The following SDF4 variants were observed in gnomAD, a reference collection of about 807,000 sequenced individuals.
The protein encoded by SDF4 is 45 kDa calcium-binding protein.
Under a neutral mutation model 34.2 loss-of-function variants are expected in SDF4, and 22 were observed. The observed-to-expected ratio is 0.64, with a 90% CI of 0.46 to 0.92. SDF4 has a LOEUF of 0.92. Ranked by LOEUF, SDF4 falls within the 40% of genes least tolerant of loss-of-function variation. The pLI is 0.00. For missense variants in SDF4, 447 were observed against 499.9 expected (o/e 0.89, Z 1.01); for synonymous variants, 236 against 203.1 (o/e 1.16, Z -1.38).
intron 4 of SDF4, chr1:1,219,275 A>C: frequency 8.5e-7 from 1 of 1,170,174 alleles, no homozygotes; most frequent in Non-Finnish European, 1.1e-6. Context: ...GACCCCCAGG[A>C]CATGGCCTGG....
chr1:1,217,821 G>A lies in SDF4; in HGVS notation c.892-133C>T, dbSNP rs1334653917. 2.6e-6 allele frequency: 4 copies of A among 1,552,268 alleles called. No individual in the cohort carries two copies. The highest frequency in any genetic ancestry group is 2.6e-6 in the Non-Finnish European group (3 of 1,152,968). ...GGGCACGTTCTGGAAGGTTCCCGAA[G>A]GGAGGCGGCACAAATGAAAACACAG... On this transcript the variant is annotated intron_variant, in intron 6 of 6. Coordinates refer to ENST00000360001, the MANE Select transcript of SDF4 (RefSeq NM_016176.6). This position sits in a 1 kb window ranked among gnomAD's most constrained non-coding sequence, Gnocchi z 8.5.
chr1:1,224,884 G>T (rs1315349989), intron 2 of SDF4, among the ~76,000 whole-genome samples: 1 of 152,236 alleles, frequency 6.6e-6, no homozygotes, highest in Admixed American at 6.5e-5. Flanking sequence ...CTGCACTCCA[G>T]CCTGGGCGGC....
In SDF4 at chr1:1,220,537, CG is replaced by C. The variant is rs1046455018; in HGVS notation, c.557-1611del. The C allele has an allele frequency of 1.6e-5, 20 of 1,234,814 alleles. No individual in the cohort carries two copies. The Admixed American group carries it at 2.1e-4, about 13-fold the overall frequency. The allele number at this position is 1,234,814 out of a possible 1,614,324, so 76.5% of individuals were successfully genotyped here. On this transcript the variant is annotated intron_variant, in intron 4 of 6. Transcript: ENST00000360001. ...CCAGAAACCAAATACCCAAAGAGGT[CG>C]GGGGGTCCTAGGCACCCTGAGGTCG...
intron 2 of SDF4, among the ~76,000 whole-genome samples, chr1:1,228,227 C>T (rs1638373067): frequency 1.3e-5 from 2 of 152,248 alleles, no homozygotes; most frequent in African/African-American, 4.8e-5. Flanking sequence ...CCACACAGGC[C>T]CACTCTGGCC....
At chr1:1,227,629 C>T (rs1015361295) in intron 2 of SDF4, among the ~76,000 whole-genome samples, 1 of 152,218 alleles carries the variant, frequency 6.6e-6, no homozygotes, top group African/African-American at 2.4e-5. Flanking sequence ...CCTGACCCTG[C>T]TCTGCCTCCA....
intron 1 of SDF4, among the ~76,000 whole-genome samples, chr1:1,230,712 G>A (rs1638466911): frequency 6.6e-6 from 1 of 152,232 alleles, no homozygotes; most frequent in Non-Finnish European, 1.5e-5. Context: ...TCCTGCCTCG[G>A]CCTCCCAAAG....
At chr1:1,219,265 G>A (rs898353646) in intron 4 of SDF4, 5 of 1,143,700 alleles carry the variant, frequency 4.4e-6, no homozygotes, top group South Asian at 1.6e-5. Flanking sequence ...ACACAGCCCA[G>A]ACCCCCAGGA....
rs568983996 is a variant in SDF4, at chr1:1,227,810, G to T, written c.305+658C>A. Among the ~76,000 whole-genome samples the T allele has an allele frequency of 7.2e-5, 11 of 152,326 alleles. No homozygotes were observed. In the South Asian group the frequency reaches 1.9e-3, roughly 26 times the overall value. ...CAGGCTCTCGAGACTCAGGGATGGGGTCGGGGGAGAAAGCTCGGCACTAGG... is the reference window on the plus strand; with the variant it reads ...CAGGCTCTCGAGACTCAGGGATGGGTTCGGGGGAGAAAGCTCGGCACTAGG... On this transcript the variant is annotated intron_variant, in intron 2 of 6. Transcript: ENST00000360001.
In SDF4 at chr1:1,223,820, C is replaced by CCCCCCCCCCAA. The variant is rs1570483240; in HGVS notation, c.442+11_442+12insTTGGGGGGGGG. The CCCCCCCCCCAA allele has an allele frequency of 1.3e-6, 2 of 1,515,842 alleles. No homozygotes were observed. The highest frequency in any genetic ancestry group is 8.9e-7 in the Non-Finnish European group (1 of 1,117,554). 93.9% of individuals were successfully genotyped at this position (1,515,842 alleles called of 1,614,324 possible). Reference sequence around the variant, plus strand: ...GCCCACCGCCCCACCCACCCCGGCCCAGCCACAGTACCGTCCCCGTCAGGG... The same window carrying CCCCCCCCCCAA: ...GCCCACCGCCCCACCCACCCCGGCCCCCCCCCCCCAAAGCCACAGTACCGTCCCCGTCAGGG... On this transcript the variant is annotated intron_variant, in intron 3 of 6. Coordinates refer to ENST00000360001, the MANE Select transcript of SDF4 (RefSeq NM_016176.6).
rs779720138 is a variant in SDF4 at position 1,217,818 on chromosome 1, G to C, written c.892-130C>G. The C allele has an allele frequency of 1.3e-6, 2 of 1,553,788 alleles. No homozygotes were observed. Among genetic ancestry groups the C allele is most frequent in the Admixed American group, 1.8e-5 (1 of 55,184 alleles). On this transcript the variant is annotated intron_variant, in intron 6 of 6. Transcript: ENST00000360001. The surrounding 1 kb of genome is among the most constrained non-coding windows in gnomAD (Gnocchi z 8.5). ...TGTGGGCACGTTCTGGAAGGTTCCC[G>C]AAGGGAGGCGGCACAAATGAAAACA...
Position 1,218,936 on chromosome 1 carries a change from G to A in SDF4, c.557-9C>T. On this transcript the variant is annotated splice_polypyrimidine_tract_variant and intron_variant, in intron 4 of 6. Transcript: ENST00000360001. This position sits in a 1 kb window ranked among gnomAD's most constrained non-coding sequence, Gnocchi z 7.9. Reference sequence around the variant, plus strand: ...CTCCAGGACTTCCTGTGCTGAGAGGGGCGCAGCCTGTGGGTATCGAGGCCG... The same window carrying A: ...CTCCAGGACTTCCTGTGCTGAGAGGAGCGCAGCCTGTGGGTATCGAGGCCG... 6.2e-7 allele frequency: 1 copy of A among 1,610,490 alleles called. No homozygotes were observed. The highest frequency in any genetic ancestry group is 2.2e-5 in the East Asian group (1 of 44,876).
chr1:1,225,495 C>T (rs189722720), intron 2 of SDF4, among the ~76,000 whole-genome samples: 4 of 152,326 alleles, frequency 2.6e-5, no homozygotes, highest in East Asian at 3.9e-4. Context: ...GCCAGGCTGC[C>T]GCTCACACGC....
chr1:1,220,232 C>T (rs538950334), intron 4 of SDF4: 2 of 1,016,242 alleles, frequency 2.0e-6, no homozygotes, highest in Admixed American at 5.4e-5. Flanking sequence ...CTGGAGAGAC[C>T]CTCCTGGATC....
At chr1:1,219,564 CTG>C (rs1379874477) in intron 4 of SDF4, 4 of 990,016 alleles carry the variant, frequency 4.0e-6, no homozygotes, top group Non-Finnish European at 4.8e-6. Context: ...ATGACTGAGA[CTG>C]GGGCTGAGCA....
At chr1:1,230,402 G>C (rs528936479) in intron 1 of SDF4, among the ~76,000 whole-genome samples, 1 of 152,138 alleles carries the variant, frequency 6.6e-6, no homozygotes, top group Admixed American at 6.5e-5. Context: ...CACAAACCAA[G>C]AGGGGTACAA....
At chr1:1,220,436 T>G in intron 4 of SDF4, 3 of 1,175,082 alleles carry the variant, frequency 2.6e-6, no homozygotes, top group Non-Finnish European at 3.2e-6. Flanking sequence ...CAGGGAGGGG[T>G]GGGAGGTCGC....
intron 2 of SDF4, among the ~76,000 whole-genome samples, chr1:1,227,011 G>A (rs200019220): frequency 1.5e-3 from 231 of 152,310 alleles, no homozygotes; most frequent in Non-Finnish European, 2.9e-3. Context: ...CCCCCGAACC[G>A]TACCATCTGA....
At position 1,218,813 on chromosome 1, in the gene SDF4, C is replaced by G; in HGVS notation, c.671G>C (p.Arg224Pro). ...FLSFLHPEHSRGMLRFMVKEI... is the reference protein window; with the variant it reads ...FLSFLHPEHSPGMLRFMVKEI... ...CTTCACCATGAACCTGAGCATTCCC[C>G]GGCTGTGCTCGGGGTGGAGGAACGA... is the stretch of plus-strand genomic sequence containing the variant. The change falls in exon 5 of 7, where the codon CGG becomes CCG. Residue 224 changes from arginine (R) to proline (P), a missense_variant. By Grantham distance (103) the Arg-to-Pro change is moderately radical (BLOSUM62 -2). Transcript: ENST00000360001. This position sits in a 1 kb window ranked among gnomAD's most constrained non-coding sequence, Gnocchi z 7.9. 1 of 1,607,936 alleles carries G rather than the reference C, an allele frequency of 6.2e-7. No individual in the cohort carries two copies. Among genetic ancestry groups the G allele is most frequent in the South Asian group, 1.1e-5 (1 of 90,818 alleles).
rs1210672965 is a variant in SDF4 at position 1,222,952 on chromosome 1, G to A, written c.556+292C>T. 2.6e-5 allele frequency among the ~76,000 whole-genome samples: 4 copies of A among 151,876 alleles called. No individual in the cohort carries two copies. The South Asian group carries it at 6.2e-4, about 24-fold the overall frequency. On this transcript the variant is annotated intron_variant, in intron 4 of 6. Transcript: ENST00000360001. ...TCACAAGCACACGCACAGCGCACTC[G>A]TACACACGACACGCACACACGTACA...
Sources: allele counts gnomAD v4.1 joint callset (sites outside exome capture counted in the v4.1 genomes callset), GRCh38; gene constraint gnomAD v4.1.1; non-coding constraint Gnocchi (gnomAD v3.1); transcripts MANE v1.5; gene names NCBI Gene and HGNC (gene_info 2026-07-23, HGNC 2026-07-21).